Variants in RYR2 observed in about 807,000 individuals in gnomAD.
The protein encoded by RYR2 is ryanodine receptor 2.
In RYR2, 227 loss-of-function variants were observed where a neutral mutation model predicts 601.1. That is an observed-to-expected ratio of 0.38 (90% CI 0.34 to 0.42). The LOEUF (loss-of-function observed/expected upper bound fraction) is 0.42. RYR2 is among the 10% of genes least tolerant of loss of function. The probability of loss-of-function intolerance (pLI) is 1.00; values close to 1 mark genes in which losing one functional copy is unlikely to be tolerated. For missense variants in RYR2, 4,646 were observed against 6,156.5 expected (o/e 0.75, Z 8.21); for synonymous variants, 2,223 against 2,175.1 (o/e 1.02, Z -0.61).
chr1:237,365,918 C>A (rs1354952193), intron 5 of RYR2, among the ~76,000 whole-genome samples: 1 of 152,164 alleles, frequency 6.6e-6, no homozygotes, highest in East Asian at 1.9e-4. Flanking sequence ...TTTAATTAGG[C>A]CCCCAGTTCT....
At chr1:237,170,825 A>G (rs956000682) in intron 1 of RYR2, among the ~76,000 whole-genome samples, 2 of 152,130 alleles carry the variant, frequency 1.3e-5, no homozygotes, top group Non-Finnish European at 2.9e-5. Context: ...GGAAAACAGA[A>G]TATGTGTAGG....
intron 1 of RYR2, among the ~76,000 whole-genome samples, chr1:237,146,130 A>G (rs1387202177): frequency 6.6e-6 from 1 of 152,242 alleles, no homozygotes; most frequent in Non-Finnish European, 1.5e-5. Context: ...TCATGAAAAC[A>G]TAAGTAATTG....
In RYR2 at chr1:237,379,621, T is replaced by C. The variant is rs531421923; in HGVS notation, c.576+2186T>C. 5.3e-5 allele frequency among the ~76,000 whole-genome samples: 8 copies of C among 152,300 alleles called. No homozygotes were observed. The South Asian group carries it at 1.2e-3, about 24-fold the overall frequency. ...GATTTCCAAACTACATTTTATTGTT[T>C]TTTTTATTTTATTTTATTTATTTTT... On this transcript the variant is annotated intron_variant, in intron 8 of 104. Coordinates refer to ENST00000366574, the MANE Select transcript of RYR2 (RefSeq NM_001035.3).
chr1:237,580,022 T>C (rs1278253472), intron 29 of RYR2, among the ~76,000 whole-genome samples: 2 of 152,146 alleles, frequency 1.3e-5, no homozygotes, highest in Non-Finnish European at 2.9e-5. Context: ...GAGTCTTCTC[T>C]GATGTGAAGC....
At chr1:237,274,203 T>C in intron 2 of RYR2, among the ~76,000 whole-genome samples, 1 of 150,908 alleles carries the variant, frequency 6.6e-6, no homozygotes, top group African/African-American at 2.4e-5. Context: ...ATGATATGTA[T>C]ATCCTATGTA....
chr1:237,182,374 C>A (rs914874280), intron 1 of RYR2, among the ~76,000 whole-genome samples: 4 of 152,238 alleles, frequency 2.6e-5, no homozygotes, highest in African/African-American at 9.6e-5. Context: ...CCTGCCTCGG[C>A]CTCCCAAAGT....
intron 62 of RYR2, 101 bp from the exon 63 acceptor site, chr1:237,687,353 CT>C (rs1686491801): frequency 1.7e-6 from 1 of 584,794 alleles, no homozygotes; most frequent in Non-Finnish European, 2.8e-6. Flanking sequence ...GTTTTTTTTT[CT>C]TTTTTCTTCT....
intron 79 of RYR2, among the ~76,000 whole-genome samples, chr1:237,736,534 G>A (rs1691165895): frequency 6.6e-6 from 1 of 151,910 alleles, no homozygotes; most frequent in Admixed American, 6.6e-5. Context: ...ATAATGGGAG[G>A]TTGGAAATGT....
At chr1:237,446,179 T>A (rs1052800918) in intron 14 of RYR2, among the ~76,000 whole-genome samples, 6 of 152,268 alleles carry the variant, frequency 3.9e-5, no homozygotes, top group Middle Eastern at 3.4e-3. Context: ...TGTATTTTTT[T>A]AAAGTAATTC....
chr1:237,226,139 G>C (rs958148190), intron 1 of RYR2, among the ~76,000 whole-genome samples: 2 of 152,112 alleles, frequency 1.3e-5, no homozygotes, highest in African/African-American at 2.4e-5. Context: ...TCACATTTCT[G>C]TTAGAACAGG....
At chr1:237,526,311 T>G (rs2147902982) in intron 24 of RYR2, among the ~76,000 whole-genome samples, 1 of 152,314 alleles carries the variant, frequency 6.6e-6, no homozygotes, top group African/African-American at 2.4e-5. Context: ...TTTCCTCTTT[T>G]GAGAAATGTC....
chr1:237,202,360 A>G (rs1299496657), intron 1 of RYR2, among the ~76,000 whole-genome samples: 1 of 152,034 alleles, frequency 6.6e-6, no homozygotes, highest in Non-Finnish European at 1.5e-5. Flanking sequence ...CAAAATCTCA[A>G]TTTCCCTCAG....
intron 1 of RYR2, among the ~76,000 whole-genome samples, chr1:237,156,441 A>G (rs1404956066): frequency 6.6e-6 from 1 of 152,224 alleles, no homozygotes; most frequent in Non-Finnish European, 1.5e-5. Flanking sequence ...AGAATCTGAG[A>G]TGTCTTAAAG....
chr1:237,632,389 CTTTTTTTTTTTTTT>C (rs11448751), intron 42 of RYR2, among the ~76,000 whole-genome samples: 59,909 of 128,182 alleles, frequency 0.47, 12,847 homozygotes, highest in African/African-American at 0.56. Flanking sequence ...AAAGTGAATT[CTTTTTTTTTTTTTT>C]TTTTTTTTTG....
intron 1 of RYR2, among the ~76,000 whole-genome samples, chr1:237,259,880 C>T (rs981621756): frequency 6.6e-6 from 1 of 152,156 alleles, no homozygotes; most frequent in African/African-American, 2.4e-5. Context: ...TATGAGAAGA[C>T]TAGATTATTC....
At chr1:237,222,472 G>A (rs1683928943) in intron 1 of RYR2, among the ~76,000 whole-genome samples, 1 of 151,320 alleles carries the variant, frequency 6.6e-6, no homozygotes, top group South Asian at 2.1e-4. Flanking sequence ...AAATGGGTTA[G>A]AGAGACACGT....
chr1:237,184,551 G>A (rs1679134174), intron 1 of RYR2, among the ~76,000 whole-genome samples: 2 of 152,126 alleles, frequency 1.3e-5, no homozygotes, highest in African/African-American at 2.4e-5. Context: ...TGCATGACTT[G>A]CAAGGTTTTG....
At chr1:237,370,145 G>GTA (rs1322365708) in intron 6 of RYR2, among the ~76,000 whole-genome samples, 1 of 151,588 alleles carries the variant, frequency 6.6e-6, no homozygotes, top group African/African-American at 2.4e-5. Context: ...ATATATATGT[G>GTA]TATATATGTA....
intron 16 of RYR2, among the ~76,000 whole-genome samples, chr1:237,468,126 G>A (rs962820030): frequency 3.3e-5 from 5 of 152,014 alleles, no homozygotes; most frequent in African/African-American, 4.8e-5. Flanking sequence ...CCAAAGCGCT[G>A]GGATTACAGG....
Sources: gnomAD v4.1 joint callset for allele counts (sites outside exome capture counted in the v4.1 genomes callset) on GRCh38, gnomAD v4.1.1 for gene constraint, MANE v1.5 for transcripts, NCBI Gene and HGNC (gene_info 2026-07-23, HGNC 2026-07-21) for gene names.